Variants in CYFIP2 observed in about 807,000 individuals in gnomAD.
CYFIP2 encodes cytoplasmic FMR1 interacting protein 2, also known as cytoplasmic FMR1-interacting protein 2.
In CYFIP2, 29 loss-of-function variants were observed where a neutral mutation model predicts 158.7. The ratio of observed to expected loss-of-function variants is 0.18; its 90% CI spans 0.14 to 0.25. The LOEUF (loss-of-function observed/expected upper bound fraction) is 0.25, where lower values mean the gene tolerates loss of function less well. CYFIP2 is among the 10% of genes least tolerant of loss of function. The pLI, the probability that CYFIP2 is intolerant of heterozygous loss-of-function variation, is 1.00. For synonymous variants in CYFIP2, 585 were observed against 617.6 expected (o/e 0.95, Z 0.78); for missense variants, 852 against 1,639.5 (o/e 0.52, Z 8.29).
intron 26 of CYFIP2, among the ~76,000 whole-genome samples, chr5:157,372,340 A>G (rs1018776703): frequency 2.2e-5 from 3 of 134,564 alleles, no homozygotes; most frequent in Non-Finnish European, 3.2e-5. Context: ...TTTACTCTCA[A>G]ATGACTCAGT....
Position 157,304,416 on chromosome 5 carries a change from CCTT to C in CYFIP2, c.795+57_795+59del, listed in dbSNP as rs773512686. ...CATGGAGCCTGGGCTTACCCTCTCA[CCTT>C]CTTCTTATTAAAAATCCGTTTTAAA... On this transcript the variant is annotated intron_variant, in intron 8 of 30. Transcript: ENST00000620254. 4.5e-6 allele frequency: 7 copies of C among 1,544,742 alleles called. No homozygotes were observed. The African/African-American group carries it at 8.3e-5, about 18-fold the overall frequency.
In CYFIP2 at chr5:157,359,125, C is replaced by T. The variant is rs749768392; in HGVS notation, c.2794C>T (p.Leu932=). The T allele has an allele frequency of 1.9e-6, 3 of 1,613,998 alleles. No homozygotes were observed. In the South Asian group the frequency reaches 3.3e-5, roughly 18 times the overall value. The part of the protein sequence containing the change: ...YQGIAVVMEE[L]LKIVKSLLQG... ...GGGCATCGCTGTGGTCATGGAGGAA[C>T]TGCTAAAGATTGTGAAGAGCTTGGT... Residue 932 remains leucine, a synonymous_variant, in exon 24 of 31, where the codon CTG becomes TTG. Coordinates refer to ENST00000620254, the MANE Select transcript of CYFIP2 (RefSeq NM_001037333.3).
intron 3 of CYFIP2, among the ~76,000 whole-genome samples, chr5:157,291,190 G>A (rs1757791802): frequency 6.6e-6 from 1 of 152,166 alleles, no homozygotes; most frequent in Admixed American, 6.5e-5. Context: ...GCATGGCTTA[G>A]GCATCAAATT....
intron 21 of CYFIP2, among the ~76,000 whole-genome samples, chr5:157,336,701 T>C (rs930265832): frequency 2.0e-5 from 3 of 152,260 alleles, no homozygotes; most frequent in Non-Finnish European, 4.4e-5. Flanking sequence ...GCCCCAGTTC[T>C]GTTTCTCTGT....
intron 15 of CYFIP2, among the ~76,000 whole-genome samples, chr5:157,322,540 T>C (rs10515747): frequency 0.32 from 48,856 of 152,146 alleles, 8,659 homozygotes; most frequent in African/African-American, 0.48. Context: ...GAGGCCGTCA[T>C]GAGAAGAGTG....
intron 7 of CYFIP2, 116 bp downstream of exon 7, chr5:157,303,006 C>T: frequency 1.3e-6 from 1 of 753,634 alleles, no homozygotes; most frequent in South Asian, 1.9e-5. Flanking sequence ...GCTTCCATCT[C>T]CACTGCCCTA....
chr5:157,293,244 CG>C (rs1561697749), intron 3 of CYFIP2, among the ~76,000 whole-genome samples: 1 of 152,082 alleles, frequency 6.6e-6, no homozygotes, highest in African/African-American at 2.4e-5. Context: ...TTAGTAGAGA[CG>C]GGGTTTTGCC....
chr5:157,369,890 T>TTG (rs1764823188), intron 26 of CYFIP2, among the ~76,000 whole-genome samples: 1 of 149,410 alleles, frequency 6.7e-6, no homozygotes, highest in Non-Finnish European at 1.5e-5. Context: ...TTTTTTTTTT[T>TTG]TTTTTTTTAA....
chr5:157,364,060 C>CA (rs1054667848), intron 26 of CYFIP2: 3 of 152,038 alleles, frequency 2.0e-5, no homozygotes, highest in African/African-American at 7.3e-5. Flanking sequence ...ATGGACTCTC[C>CA]AGACAGCTAA....
chr5:157,285,522 G>A, intron 2 of CYFIP2, 44 bp downstream of exon 2: 2 of 1,521,296 alleles, frequency 1.3e-6, no homozygotes, highest in East Asian at 2.5e-5. Context: ...AGGAATTCTG[G>A]GGATCCCCTA....
chr5:157,285,225 C>G, intron 1 of CYFIP2, 114 bp from the exon 2 acceptor site: 3 of 679,220 alleles, frequency 4.4e-6, no homozygotes, highest in Middle Eastern at 2.8e-4. Context: ...TGGAAGTGGC[C>G]TCAATGCATT....
chr5:157,319,216 G>A (rs776874184), intron 13 of CYFIP2, among the ~76,000 whole-genome samples: 8 of 152,160 alleles, frequency 5.3e-5, no homozygotes, highest in Non-Finnish European at 1.2e-4. Flanking sequence ...AAGGGAAATA[G>A]GGGAGTAGAG....
intron 3 of CYFIP2, among the ~76,000 whole-genome samples, chr5:157,290,869 G>A (rs1282553541): frequency 6.6e-6 from 1 of 152,200 alleles, no homozygotes; most frequent in East Asian, 1.9e-4. Flanking sequence ...GGACAGGATA[G>A]CCAGAGAAAA....
chr5:157,329,186 G>C (rs1459586906), intron 19 of CYFIP2, among the ~76,000 whole-genome samples: 1 of 152,196 alleles, frequency 6.6e-6, no homozygotes, highest in Admixed American at 6.5e-5. Context: ...GTAAAGTATT[G>C]AAAGCATGCA....
chr5:157,336,437 G>A (rs537446386), intron 21 of CYFIP2, among the ~76,000 whole-genome samples: 2 of 152,324 alleles, frequency 1.3e-5, no homozygotes, highest in Admixed American at 6.5e-5. Context: ...AGATGGTAAC[G>A]ATTGCCCATA....
intron 1 of CYFIP2, among the ~76,000 whole-genome samples, chr5:157,267,898 A>C (rs1053278284): frequency 2.6e-5 from 4 of 152,228 alleles, no homozygotes; most frequent in Admixed American, 2.0e-4. Context: ...TGGCAAGGGC[A>C]GCTTTGGCCC....
At chr5:157,319,625 C>CA in intron 13 of CYFIP2, 137 bp from the exon 14 acceptor site, 1 of 999,478 alleles carries the variant, frequency 1.0e-6, no homozygotes, top group Non-Finnish European at 1.4e-6. Context: ...CCTAGCCATG[C>CA]GCTGGCACTT....
At chr5:157,309,662 C>T (rs1405808457) in intron 9 of CYFIP2, 81 bp from the exon 10 acceptor site, 1 of 1,295,890 alleles carries the variant, frequency 7.7e-7, no homozygotes, top group Non-Finnish European at 1.1e-6. Context: ...AGAGGCCTGC[C>T]TCCCACAGTG....
At chr5:157,358,356 C>CAG (rs141001584) in intron 23 of CYFIP2, among the ~76,000 whole-genome samples, 3 of 152,334 alleles carry the variant, frequency 2.0e-5, no homozygotes, top group African/African-American at 7.2e-5. Flanking sequence ...TTGCCTGCTT[C>CAG]ACATATGAAG....
Sources: allele counts gnomAD v4.1 joint callset (sites outside exome capture counted in the v4.1 genomes callset), GRCh38; gene constraint gnomAD v4.1.1; transcripts MANE v1.5; gene names NCBI Gene and HGNC (gene_info 2026-07-23, HGNC 2026-07-21).